The following PAPPA variants were observed in gnomAD, a reference collection of about 807,000 sequenced individuals.
The protein encoded by PAPPA is pappalysin-1.
A neutral mutation model predicts 164.0 loss-of-function variants in PAPPA; 60 were observed. The observed-to-expected ratio is 0.37, with a 90% CI of 0.30 to 0.45. The LOEUF (loss-of-function observed/expected upper bound fraction) is 0.45, where lower values mean the gene tolerates loss of function less well. Among genes scored for constraint, PAPPA ranks in the 20% least tolerant of loss-of-function variants. The pLI, the probability that PAPPA is intolerant of heterozygous loss-of-function variation, is 1.00. For missense variants in PAPPA, 1,782 were observed against 2,087.3 expected (o/e 0.85, Z 2.85); for synonymous variants, 875 against 814.1 (o/e 1.07, Z -1.27).
intron 9 of PAPPA, among the ~76,000 whole-genome samples, chr9:116,285,105 G>A (rs1222693281): frequency 6.6e-6 from 1 of 150,844 alleles, no homozygotes; most frequent in Non-Finnish European, 1.5e-5. Flanking sequence ...TGCGTGATCT[G>A]AGCCCAGGAT....
rs1847052019 is a variant in PAPPA, at chr9:116,401,369, T to C, written c.*4753T>C. 1 of 152,478 alleles carries C rather than the reference T, an allele frequency of 6.6e-6. No individual in the cohort carries two copies. Among genetic ancestry groups the C allele is most frequent in the African/African-American group, 2.4e-5 (1 of 41,414 alleles). The allele number at this position is 152,478 out of a possible 1,614,324, so 9.4% of individuals were successfully genotyped here. On this transcript the variant is annotated 3_prime_UTR_variant, in exon 22 of 22. Transcript: ENST00000328252. ...CAGACTTAAAATTCCACATCAAGTGTTCCATTAAAAGAAGATAAGGCATTC... is the reference window on the plus strand; with the variant it reads ...CAGACTTAAAATTCCACATCAAGTGCTCCATTAAAAGAAGATAAGGCATTC...
Position 116,332,434 on chromosome 9 carries a change from G to C in PAPPA, c.3363G>C (p.Gln1121His). 3 of 1,613,972 alleles carry C rather than the reference G, an allele frequency of 1.9e-6. No homozygotes were observed. Among genetic ancestry groups the C allele is most frequent in the Non-Finnish European group, 2.5e-6 (3 of 1,179,834 alleles). Residue 1121 changes from glutamine to histidine, a missense_variant, in exon 12 of 22, where the codon CAG (glutamine) becomes CAC (histidine). Gln to His is a conservative substitution (Grantham distance 24). Transcript: ENST00000328252. ...AAAAGCAGGAGACCATCAGCGTGCA[G>C]CTGCTTGATACCAAAGATCAGAGCC... Reference protein sequence around the residue: ...GDQKQETISVQLLDTKDQSHD... With the variant: ...GDQKQETISVHLLDTKDQSHD...
intron 10 of PAPPA, among the ~76,000 whole-genome samples, chr9:116,326,611 CTT>C (rs1845923959): frequency 6.6e-6 from 1 of 152,174 alleles, no homozygotes; most frequent in South Asian, 2.1e-4. Flanking sequence ...GATCTACCCT[CTT>C]AACAAATTTT....
rs199972884 is a variant in PAPPA, at chr9:116,352,822, C to T, written c.4081C>T (p.Arg1361Trp). The T allele has an allele frequency of 8.7e-5, 140 of 1,613,848 alleles. No individual in the cohort carries two copies. Among genetic ancestry groups the T allele is most frequent in the Non-Finnish European group, 1.1e-4 (125 of 1,179,878 alleles). Residue 1361 changes from arginine (R) to tryptophan (W), a missense_variant, in exon 16 of 22, where the codon CGG becomes TGG. This residue lies in a region of PAPPA where 1,324 missense variants were observed against 1,656.9 expected (regional missense o/e 0.80). Coordinates refer to ENST00000328252, the MANE Select transcript of PAPPA (RefSeq NM_002581.5). ...GCCCAATGCAGACCTCCAGACCGCC[C>T]GGTGCCGAGAGAATAAGCACAAGGT... The part of the protein sequence containing the change: ...PVPNADLQTA[R>W]CRENKHKVGS...
At chr9:116,339,108 G>T (rs1032539373) in intron 13 of PAPPA, among the ~76,000 whole-genome samples, 1 of 152,184 alleles carries the variant, frequency 6.6e-6, no homozygotes, top group Non-Finnish European at 1.5e-5. Context: ...TCCATCAGAG[G>T]TTTCAAGGCT....
intron 17 of PAPPA, among the ~76,000 whole-genome samples, chr9:116,361,812 T>C (rs1846430474): frequency 6.6e-6 from 1 of 152,214 alleles, no homozygotes; most frequent in Non-Finnish European, 1.5e-5. Flanking sequence ...GGGCACAGAT[T>C]GGACACTAAC....
At chr9:116,174,882 A>C (rs1038299369) in intron 1 of PAPPA, among the ~76,000 whole-genome samples, 7 of 152,160 alleles carry the variant, frequency 4.6e-5, no homozygotes, top group African/African-American at 1.7e-4. Context: ...AATTTGCCCA[A>C]GATTAATAGT....
At chr9:116,161,766 A>G (rs1289943290) in intron 1 of PAPPA, among the ~76,000 whole-genome samples, 1 of 152,046 alleles carries the variant, frequency 6.6e-6, no homozygotes, top group Non-Finnish European at 1.5e-5. Flanking sequence ...GCAAACTGAT[A>G]ACAATTGTTG....
Position 116,378,721 on chromosome 9 carries a change from A to T in PAPPA, c.4677+1074A>T, listed in dbSNP as rs116185501. Among the ~76,000 whole-genome samples the T allele has an allele frequency of 6.7e-3, 1,023 of 152,296 alleles. 7 individuals carry two copies. The highest frequency in any genetic ancestry group is 0.018 in the African/African-American group (760 of 41,562). ...ATAGAGTAGAAAACGAGGGCCAGAG[A>T]GGGGATGGAATGTCCAAGTTTGCAC... On this transcript the variant is annotated intron_variant, in intron 20 of 21. Coordinates refer to ENST00000328252, the MANE Select transcript of PAPPA (RefSeq NM_002581.5).
chr9:116,290,152 A>AT (rs1845418227), intron 9 of PAPPA, among the ~76,000 whole-genome samples: 1 of 151,938 alleles, frequency 6.6e-6, no homozygotes, highest in Non-Finnish European at 1.5e-5. Flanking sequence ...TAATGCTGTC[A>AT]TTTTTTTTAA....
chr9:116,234,447 T>C (rs1844635197), intron 6 of PAPPA, among the ~76,000 whole-genome samples: 1 of 152,118 alleles, frequency 6.6e-6, no homozygotes, highest in Non-Finnish European at 1.5e-5. Context: ...AGCTCTGTTG[T>C]TCATGGTTCT....
chr9:116,376,338 G>C (rs891014647), intron 19 of PAPPA, among the ~76,000 whole-genome samples: 1 of 152,038 alleles, frequency 6.6e-6, no homozygotes, highest in African/African-American at 2.4e-5. Context: ...GAATTTTTAT[G>C]GTAACTGTAT....
chr9:116,309,371 C>T (rs1845687199), intron 10 of PAPPA, among the ~76,000 whole-genome samples: 1 of 152,168 alleles, frequency 6.6e-6, no homozygotes, highest in Admixed American at 6.5e-5. Context: ...CCACTGCGCC[C>T]AGCCAGATGT....
At chr9:116,209,071 CA>C (rs1489595373) in intron 3 of PAPPA, among the ~76,000 whole-genome samples, 1 of 152,000 alleles carries the variant, frequency 6.6e-6, no homozygotes, top group Admixed American at 6.6e-5. Context: ...ACTAAAAAGT[CA>C]ATAGTGCTGA....
intron 18 of PAPPA, among the ~76,000 whole-genome samples, chr9:116,363,741 T>C (rs1218923187): frequency 1.3e-5 from 2 of 152,204 alleles, no homozygotes; most frequent in Non-Finnish European, 2.9e-5. Context: ...CAACATGATC[T>C]TCATCCAGCA....
chr9:116,167,262 C>T (rs1281132103), intron 1 of PAPPA, among the ~76,000 whole-genome samples: 2 of 152,150 alleles, frequency 1.3e-5, no homozygotes, highest in South Asian at 2.1e-4. Context: ...GTGAATAACC[C>T]ACACACATCC....
chr9:116,302,824 C>T lies in PAPPA; in HGVS notation c.3021C>T (p.Ser1007=). ...GTGAGGAGTTTGAACAAAAAACCAGCATTAAGGACTGTGGTGTCTACACGC... is the reference window on the plus strand; with the variant it reads ...GTGAGGAGTTTGAACAAAAAACCAGTATTAAGGACTGTGGTGTCTACACGC... The part of the protein sequence containing the change: ...GVCEEFEQKT[S]IKDCGVYTPQ... Residue 1007 remains serine, a synonymous_variant, in exon 10 of 22, where the codon AGC becomes AGT. Transcript: ENST00000328252. 1 of 1,614,000 alleles carries T rather than the reference C, an allele frequency of 6.2e-7. No homozygotes were observed. The highest frequency in any genetic ancestry group is 8.5e-7 in the Non-Finnish European group (1 of 1,179,934).
intron 1 of PAPPA, among the ~76,000 whole-genome samples, chr9:116,175,839 T>C (rs950543417): frequency 1.3e-5 from 2 of 152,068 alleles, no homozygotes; most frequent in East Asian, 1.9e-4. Flanking sequence ...CTGTCAACAG[T>C]GATCATTGCC....
chr9:116,277,527 G>C (rs896610920), intron 9 of PAPPA, among the ~76,000 whole-genome samples: 1 of 152,066 alleles, frequency 6.6e-6, no homozygotes, highest in Admixed American at 6.6e-5. Flanking sequence ...TCATAAAATG[G>C]GTTAGTAAGT....
Sources: gnomAD v4.1 joint callset for allele counts (sites outside exome capture counted in the v4.1 genomes callset) on GRCh38, gnomAD v4.1.1 for gene constraint, gnomAD v4.1.1 regional missense constraint, MANE v1.5 for transcripts, NCBI Gene and HGNC (gene_info 2026-07-23, HGNC 2026-07-21) for gene names.